SCRN1: variants seen among roughly 807,000 people sequenced by gnomAD.
The protein encoded by SCRN1 is secernin-1.
Under a neutral mutation model 43.3 loss-of-function variants are expected in SCRN1, and 19 were observed. The observed-to-expected ratio is 0.44, with a 90% CI of 0.31 to 0.64. The LOEUF (loss-of-function observed/expected upper bound fraction) is 0.64. Among genes scored for constraint, SCRN1 ranks in the 30% least tolerant of loss-of-function variants. The probability of loss-of-function intolerance (pLI) is 0.09; values close to 1 mark genes in which losing one functional copy is unlikely to be tolerated. For synonymous variants in SCRN1, 183 were observed against 188.9 expected, an observed-to-expected ratio of 0.97 and a Z score of 0.26; for missense variants, 447 against 524.1, an observed-to-expected ratio of 0.85 and a Z score of 1.44.
chr7:29,979,547 C>T (rs527737063), intron 1 of SCRN1, among the ~76,000 whole-genome samples: 5 of 151,900 alleles, frequency 3.3e-5, no homozygotes, highest in East Asian at 1.9e-4. Flanking sequence ...TGTCTCATTA[C>T]GCCGTGCCCA....
chr7:29,985,427 T>C (rs900433958), intron 1 of SCRN1, among the ~76,000 whole-genome samples: 9 of 150,292 alleles, frequency 6.0e-5, no homozygotes, highest in Non-Finnish European at 4.4e-5. Flanking sequence ...TAAATAAAAA[T>C]AAAAATAAAA....
intron 1 of SCRN1, among the ~76,000 whole-genome samples, chr7:29,982,427 C>T (rs928241512): frequency 2.6e-5 from 4 of 151,112 alleles, no homozygotes; most frequent in Admixed American, 6.6e-5. Flanking sequence ...TGCCTGTAAT[C>T]ACAGTAGTTT....
intron 1 of SCRN1, 88 bp from the exon 2 acceptor site, chr7:29,969,156 A>C: frequency 6.8e-7 from 1 of 1,479,882 alleles, no homozygotes; most frequent in Non-Finnish European, 9.2e-7. Context: ...CACCAGCTAA[A>C]AGGGTTTTAC....
rs1787885087 is a variant in SCRN1 at position 29,950,501 on chromosome 7, C to T, written c.341+4678G>A. Among the ~76,000 whole-genome samples, 1 of 152,230 alleles carries T rather than the reference C, an allele frequency of 6.6e-6. No homozygotes were observed. The highest frequency in any genetic ancestry group is 2.4e-5 in the African/African-American group (1 of 41,456). On this transcript the variant is annotated intron_variant, in intron 3 of 7. Coordinates refer to ENST00000242059, the MANE Select transcript of SCRN1 (RefSeq NM_014766.5). This position sits in a 1 kb window ranked among gnomAD's most constrained non-coding sequence, Gnocchi z 4.5. ...GAGCAGGTCCCCAGTGAAACCCCACCTTCAAGCCAGGAATGGCCGGAAGCC... is the reference window on the plus strand; with the variant it reads ...GAGCAGGTCCCCAGTGAAACCCCACTTTCAAGCCAGGAATGGCCGGAAGCC...
At position 29,989,650 on chromosome 7, in the gene SCRN1, GCGGGCTC is replaced by G. The variant is rs1211088515; in HGVS notation, c.-17_-11del. ...TCCCAGACGCGGCTCACCTGGGGCG[GCGGGCTC>G]CGGGCTCCGCTCTCCGCTCTGCGGT... On this transcript the variant is annotated 5_prime_UTR_variant, in exon 1 of 8. Coordinates refer to ENST00000242059, the MANE Select transcript of SCRN1 (RefSeq NM_014766.5). 1.5e-5 allele frequency: 15 copies of G among 985,594 alleles called. No individual in the cohort carries two copies. Among genetic ancestry groups the G allele is most frequent in the African/African-American group, 1.7e-5 (1 of 57,256 alleles). 61.1% of individuals were successfully genotyped at this position (985,594 alleles called of 1,614,324 possible). A position where few individuals can be genotyped will look rare whatever the true frequency, so the allele number is the denominator to read the frequency against.
chr7:29,942,893 C>T (rs902726595), intron 4 of SCRN1, among the ~76,000 whole-genome samples: 1 of 152,156 alleles, frequency 6.6e-6, no homozygotes, highest in Non-Finnish European at 1.5e-5. Context: ...TAGAGTACAA[C>T]GTACCCATCA....
intron 5 of SCRN1, among the ~76,000 whole-genome samples, chr7:29,939,162 G>C (rs1056764681): frequency 1.3e-4 from 20 of 152,108 alleles, no homozygotes; most frequent in African/African-American, 3.6e-4. Context: ...AAGTGCTATA[G>C]CAAAAGTCCT....
Position 29,968,947 on chromosome 7 carries a change from A to C in SCRN1, c.121T>G (p.Phe41Val). Reference sequence around the variant, plus strand: ...TCCGGTTCGTGATCAGCAGCCGAGAAATACACAACCTCTTGCACTTCATCT... The same window carrying C: ...TCCGGTTCGTGATCAGCAGCCGAGACATACACAACCTCTTGCACTTCATCT... ...PRDEVQEVVYFSAADHEPESK... is the reference protein window; with the variant it reads ...PRDEVQEVVYVSAADHEPESK... The change falls in exon 2 of 8, where the codon TTC (phenylalanine) becomes GTC (valine). Residue 41 changes from phenylalanine to valine, a missense_variant. Phe to Val is a conservative substitution (Grantham distance 50, BLOSUM62 -1). Coordinates refer to ENST00000242059, the MANE Select transcript of SCRN1 (RefSeq NM_014766.5). The C allele has an allele frequency of 6.2e-7, 1 of 1,614,140 alleles. No homozygotes were observed. The highest frequency in any genetic ancestry group is 1.7e-5 in the Admixed American group (1 of 60,014).
At chr7:29,944,295 G>A in intron 3 of SCRN1, 116 bp from the exon 4 acceptor site, 1 of 816,498 alleles carries the variant, frequency 1.2e-6, no homozygotes, top group Non-Finnish European at 2.0e-6. Context: ...GTGTAAACAT[G>A]TTAAGTCTGC....
intron 1 of SCRN1, among the ~76,000 whole-genome samples, chr7:29,974,378 T>G (rs1788745909): frequency 6.6e-6 from 1 of 152,226 alleles, no homozygotes; most frequent in South Asian, 2.1e-4. Context: ...CAATTCAGAG[T>G]TGCTCAGAGA....
At chr7:29,940,533 T>C (rs1446588821) in intron 5 of SCRN1, 149 bp downstream of exon 5, 2 of 652,316 alleles carry the variant, frequency 3.1e-6, no homozygotes, top group Non-Finnish European at 4.9e-6. Flanking sequence ...TGCCTGCACA[T>C]CAGGGACTTT....
intron 3 of SCRN1, among the ~76,000 whole-genome samples, chr7:29,953,920 C>T (rs1788041426): frequency 6.6e-6 from 1 of 152,104 alleles, no homozygotes; most frequent in African/African-American, 2.4e-5. Context: ...AAACTGTGGC[C>T]CAGAGAGGTG....
At chr7:29,989,154 C>T (rs1016746363) in intron 1 of SCRN1, 1 of 152,206 alleles carries the variant, frequency 6.6e-6, no homozygotes, top group African/African-American at 2.4e-5. Context: ...GTTGGACGCG[C>T]TGGCAGAGCC....
intron 3 of SCRN1, among the ~76,000 whole-genome samples, chr7:29,952,729 T>A (rs1391651353): frequency 6.6e-6 from 1 of 151,344 alleles, no homozygotes; most frequent in Non-Finnish European, 1.5e-5. Flanking sequence ...GTAATGAGCA[T>A]GAGTTACTTT....
chr7:29,941,568 G>C (rs1787557344), intron 4 of SCRN1, among the ~76,000 whole-genome samples: 1 of 152,174 alleles, frequency 6.6e-6, no homozygotes, highest in South Asian at 2.1e-4. Flanking sequence ...GAGTGTGTGA[G>C]ATAAAGTGTG....
At chr7:29,969,553 T>C (rs1448336764) in intron 1 of SCRN1, among the ~76,000 whole-genome samples, 1 of 152,192 alleles carries the variant, frequency 6.6e-6, no homozygotes. Context: ...ACAGATACCC[T>C]GCTTTGTTGT....
At chr7:29,962,979 G>T (rs910452799) in intron 2 of SCRN1, among the ~76,000 whole-genome samples, 26 of 151,768 alleles carry the variant, frequency 1.7e-4, no homozygotes, top group Non-Finnish European at 2.5e-4. Context: ...AGTAGTATGT[G>T]ATGTGCCAAA....
chr7:29,958,609 A>G (rs527887439), intron 2 of SCRN1, among the ~76,000 whole-genome samples: 2 of 152,392 alleles, frequency 1.3e-5, no homozygotes, highest in Admixed American at 6.5e-5. Flanking sequence ...TTTCTATTAG[A>G]AAAGAAAAAG....
chr7:29,966,100 G>C (rs1788479307), intron 2 of SCRN1, among the ~76,000 whole-genome samples: 1 of 150,808 alleles, frequency 6.6e-6, no homozygotes. Flanking sequence ...ACGAGAGAGA[G>C]AGAGAGGAAC....
Sources: gnomAD v4.1 joint callset for allele counts (sites outside exome capture counted in the v4.1 genomes callset) on GRCh38, gnomAD v4.1.1 for gene constraint, Gnocchi (gnomAD v3.1) non-coding constraint, MANE v1.5 for transcripts, NCBI Gene and HGNC (gene_info 2026-07-23, HGNC 2026-07-21) for gene names.